The following MVB12B variants were observed in gnomAD, a reference collection of about 807,000 sequenced individuals.
The protein encoded by MVB12B is ESCRT-I complex subunit MVB12B.
In MVB12B, 16 loss-of-function variants were observed where a neutral mutation model predicts 41.6. The observed-to-expected ratio is 0.38, with a 90% CI of 0.26 to 0.58. MVB12B has a LOEUF of 0.58. MVB12B is among the 20% of genes least tolerant of loss of function. The pLI is 0.62. For synonymous variants in MVB12B, 133 were observed against 139.7 expected, an observed-to-expected ratio of 0.95 and a Z score of 0.34; for missense variants, 274 against 380.2, an observed-to-expected ratio of 0.72 and a Z score of 2.32.
chr9:126,336,467 T>A (rs1449623829), intron 1 of MVB12B, among the ~76,000 whole-genome samples: 2 of 152,232 alleles, frequency 1.3e-5, no homozygotes, highest in Non-Finnish European at 2.9e-5. Context: ...GCCGTCTGTA[T>A]GAAGGGTCTT....
intron 2 of MVB12B, among the ~76,000 whole-genome samples, chr9:126,363,128 A>C (rs1202804006): frequency 8.6e-5 from 13 of 151,980 alleles, no homozygotes. Flanking sequence ...TGGAGGTTGC[A>C]GTGAGCCGAG....
intron 8 of MVB12B, among the ~76,000 whole-genome samples, chr9:126,482,897 CG>C (rs1358317667): frequency 1.3e-5 from 2 of 152,252 alleles, no homozygotes; most frequent in Non-Finnish European, 2.9e-5. Context: ...AGCCCCACTA[CG>C]GGGGCCGCCG....
At chr9:126,353,027 T>C (rs1410835999) in intron 2 of MVB12B, among the ~76,000 whole-genome samples, 3 of 152,128 alleles carry the variant, frequency 2.0e-5, no homozygotes, top group African/African-American at 7.2e-5. Context: ...GCAGGAGGGA[T>C]TATGCAAATC....
Position 126,396,112 on chromosome 9 carries a change from C to T in MVB12B, c.662+415C>T, listed in dbSNP as rs147007083. On this transcript the variant is annotated intron_variant, in intron 6 of 9. Coordinates refer to ENST00000361171, the MANE Select transcript of MVB12B (RefSeq NM_033446.3). ...GGTGAGTTCTTATATTCTTCATTTT[C>T]ATATAATTTCTTTTTCCAATGAGCT... 6.0e-5 allele frequency: 60 copies of T among 991,996 alleles called. No homozygotes were observed. The African/African-American group carries it at 7.5e-4, about 12-fold the overall frequency. 61.4% of individuals were successfully genotyped at this position (991,996 alleles called of 1,614,324 possible). A position where few individuals can be genotyped will look rare whatever the true frequency, so the allele number is the denominator to read the frequency against.
chr9:126,466,446 G>A (rs573606189), intron 7 of MVB12B, among the ~76,000 whole-genome samples: 1 of 152,206 alleles, frequency 6.6e-6, no homozygotes, highest in Admixed American at 6.5e-5. Context: ...GATTCAAGGG[G>A]TGAAGAAATA....
chr9:126,412,093 A>G (rs1450849458), intron 6 of MVB12B, among the ~76,000 whole-genome samples: 1 of 152,226 alleles, frequency 6.6e-6, no homozygotes, highest in Non-Finnish European at 1.5e-5. Flanking sequence ...TCTTTCTGAC[A>G]CCATTGACCA....
At chr9:126,440,250 C>G (rs1832597306) in intron 7 of MVB12B, among the ~76,000 whole-genome samples, 1 of 152,144 alleles carries the variant, frequency 6.6e-6, no homozygotes. Context: ...TTTTTTCTCC[C>G]CCAAACTGTG....
Position 126,326,961 on chromosome 9 carries a change from G to A in MVB12B, c.32G>A (p.Arg11Gln), listed in dbSNP as rs1438800750. 7.5e-6 allele frequency: 2 copies of A among 267,124 alleles called. No homozygotes were observed. Among genetic ancestry groups the A allele is most frequent in the African/African-American group, 2.4e-5 (1 of 41,742 alleles). The allele number at this position is 267,124 out of a possible 1,614,324, so 16.5% of individuals were successfully genotyped here. Residue 11 changes from arginine (R) to glutamine (Q), a missense_variant, in exon 1 of 10, where the codon CGG becomes CAG. Coordinates refer to ENST00000361171, the MANE Select transcript of MVB12B (RefSeq NM_033446.3). ...AGCTGCTTCTGCGTGAGACGGAGCCGGGACCCGCCGCCGCCGCAGCCACCG... is the reference window on the plus strand; with the variant it reads ...AGCTGCTTCTGCGTGAGACGGAGCCAGGACCCGCCGCCGCCGCAGCCACCG... MRSCFCVRRS[R>Q]DPPPPQPPPP... is the part of the protein sequence containing the mutation.
intron 7 of MVB12B, among the ~76,000 whole-genome samples, chr9:126,463,766 A>T (rs891943853): frequency 1.3e-5 from 2 of 152,188 alleles, no homozygotes; most frequent in Non-Finnish European, 2.9e-5. Flanking sequence ...GGTCCCACTA[A>T]TGAAGGTCAG....
chr9:126,496,752 CTCAGGGCTCTGCA>C (rs1284508688), intron 9 of MVB12B, among the ~76,000 whole-genome samples: 1 of 152,234 alleles, frequency 6.6e-6, no homozygotes, highest in Non-Finnish European at 1.5e-5. Flanking sequence ...GGATGTGGGG[CTCAGGGCTCTGCA>C]TCAGGGTGGG....
chr9:126,378,815 A>G (rs771427905), intron 2 of MVB12B, among the ~76,000 whole-genome samples: 17 of 152,168 alleles, frequency 1.1e-4, no homozygotes, highest in Non-Finnish European at 2.2e-4. Flanking sequence ...CCAAACAGTG[A>G]AGCGTGGGCT....
At chr9:126,417,799 C>T (rs1274866078) in intron 6 of MVB12B, among the ~76,000 whole-genome samples, 1 of 152,212 alleles carries the variant, frequency 6.6e-6, no homozygotes, top group African/African-American at 2.4e-5. Context: ...AGAAGACACT[C>T]AGGCATCCAA....
At chr9:126,341,360 G>A (rs1399383241) in intron 2 of MVB12B, among the ~76,000 whole-genome samples, 1 of 152,228 alleles carries the variant, frequency 6.6e-6, no homozygotes, top group African/African-American at 2.4e-5. Flanking sequence ...ACAGAGGAAC[G>A]TTAGGAGGGT....
chr9:126,331,582 T>C (rs935627236), intron 1 of MVB12B, among the ~76,000 whole-genome samples: 32 of 152,268 alleles, frequency 2.1e-4, no homozygotes, highest in African/African-American at 7.0e-4. Context: ...TTTACTCTGT[T>C]GATTGCCTTT....
At chr9:126,387,593 G>A (rs983989900) in intron 4 of MVB12B, among the ~76,000 whole-genome samples, 9 of 152,060 alleles carry the variant, frequency 5.9e-5, no homozygotes, top group African/African-American at 1.7e-4. Flanking sequence ...AGCAGACCCC[G>A]TTGTATAGCA....
At chr9:126,490,123 T>C (rs1479270697) in intron 9 of MVB12B, among the ~76,000 whole-genome samples, 1 of 152,244 alleles carries the variant, frequency 6.6e-6, no homozygotes, top group African/African-American at 2.4e-5. Context: ...ATATTCTCTG[T>C]CTCTGCCGCT....
At chr9:126,428,437 C>A (rs928983764) in intron 7 of MVB12B, among the ~76,000 whole-genome samples, 2 of 152,018 alleles carry the variant, frequency 1.3e-5, no homozygotes, top group Admixed American at 6.5e-5. Context: ...CTACAGCATA[C>A]CAAACAATTC....
In MVB12B at chr9:126,440,673, A is replaced by G. The variant is rs193037721; in HGVS notation, c.757+18725A>G. On this transcript the variant is annotated intron_variant, in intron 7 of 9. Coordinates refer to ENST00000361171, the MANE Select transcript of MVB12B (RefSeq NM_033446.3). ...CTGTTTTGGTATTTCCCTCTTTCAG[A>G]GAAATATTGAAAAGTACATTTTTTT... Among the ~76,000 whole-genome samples the G allele has an allele frequency of 4.9e-3, 753 of 152,346 alleles. 4 individuals are homozygous for G. Among genetic ancestry groups the G allele is most frequent in the Non-Finnish European group, 7.3e-3 (500 of 68,038 alleles).
chr9:126,424,424 G>T (rs1231991001), intron 7 of MVB12B, among the ~76,000 whole-genome samples: 1 of 152,176 alleles, frequency 6.6e-6, no homozygotes, highest in Admixed American at 6.5e-5. Context: ...GGAAGGAAGA[G>T]ACGAAGGGAA....
Sources: gnomAD v4.1 joint callset for allele counts (sites outside exome capture counted in the v4.1 genomes callset) on GRCh38, gnomAD v4.1.1 for gene constraint, MANE v1.5 for transcripts, NCBI Gene and HGNC (gene_info 2026-07-23, HGNC 2026-07-21) for gene names.